The following SLC5A3 variants were observed in gnomAD, a reference collection of about 807,000 sequenced individuals.
The protein encoded by SLC5A3 is sodium/myo-inositol cotransporter.
Under a neutral mutation model 43.2 loss-of-function variants are expected in SLC5A3, and 10 were observed. The ratio of observed to expected loss-of-function variants is 0.23; its 90% CI spans 0.14 to 0.39. The LOEUF is 0.39. SLC5A3 is among the 10% of genes least tolerant of loss of function. SLC5A3 has a pLI of 1.00. For synonymous variants in SLC5A3, 349 were observed against 322.0 expected, an observed-to-expected ratio of 1.08 and a Z score of -0.90; for missense variants, 608 against 893.4, an observed-to-expected ratio of 0.68 and a Z score of 4.07.
Position 34,104,215 on chromosome 21 carries a change from T to C in SLC5A3, c.*6860T>C. 1 of 1,000,138 alleles carries C rather than the reference T, an allele frequency of 1.0e-6. No homozygotes were observed. Among genetic ancestry groups the C allele is most frequent in the African/African-American group, 1.7e-5 (1 of 57,356 alleles). 62.0% of individuals were successfully genotyped at this position (1,000,138 alleles called of 1,614,324 possible). A position where few individuals can be genotyped will look rare whatever the true frequency, so the allele number is the denominator to read the frequency against. ...CATCAGACTAATTCTGAAGCATATT[T>C]GCTAGAGGAGCTACTTTGCTTTTCA... On this transcript the variant is annotated 3_prime_UTR_variant, in exon 2 of 2. Coordinates refer to ENST00000381151, the MANE Select transcript of SLC5A3 (RefSeq NM_006933.7).
chr21:34,074,532 G>A (rs1359874516), intron 1 of SLC5A3, among the ~76,000 whole-genome samples: 2 of 152,204 alleles, frequency 1.3e-5, no homozygotes, highest in Non-Finnish European at 2.9e-5. Context: ...CCTTTCAGGT[G>A]ACGGCGTGGC....
rs547850028 is a variant in SLC5A3, at chr21:34,081,842, A to G, written c.-337+8097A>G. ...TAATGAAGAAACTCTAAAAGATAAA[A>G]CTTATTATATCTAAGTTTATTTCAT... On this transcript the variant is annotated intron_variant, in intron 1 of 1. Transcript: ENST00000381151. Among the ~76,000 whole-genome samples, 10 of 152,276 alleles carry G rather than the reference A, an allele frequency of 6.6e-5. No homozygotes were observed. In the East Asian group the frequency reaches 1.2e-3, roughly 18 times the overall value.
At position 34,098,928 on chromosome 21, in the gene SLC5A3, A is replaced by G. The variant is rs1044090730; in HGVS notation, c.*1573A>G. 3 of 988,922 alleles carry G rather than the reference A, an allele frequency of 3.0e-6. No homozygotes were observed. Among genetic ancestry groups the G allele is most frequent in the Non-Finnish European group, 1.2e-6 (1 of 819,698 alleles). The allele number at this position is 988,922 out of a possible 1,614,324, so 61.3% of individuals were successfully genotyped here. ...GATACTTTTTAGATTGCATGATTTTACTAGGCTTGTATTTAGGGAAATTAC... is the reference window on the plus strand; with the variant it reads ...GATACTTTTTAGATTGCATGATTTTGCTAGGCTTGTATTTAGGGAAATTAC... On this transcript the variant is annotated 3_prime_UTR_variant, in exon 2 of 2. Coordinates refer to ENST00000381151, the MANE Select transcript of SLC5A3 (RefSeq NM_006933.7).
In SLC5A3 at chr21:34,096,461, C is replaced by A. The variant is rs762123888; in HGVS notation, c.1263C>A (p.Ile421=). The change falls in exon 2 of 2, where the codon ATC becomes ATA. Residue 421 remains isoleucine, a synonymous_variant. Transcript: ENST00000381151. The surrounding 1 kb of genome is among the most constrained non-coding windows in gnomAD (Gnocchi z 5.9). The part of the protein sequence containing the change: ...GRIFVAFMVV[I]SIAWVPIIVE... ...TATTTGTGGCATTTATGGTGGTGAT[C>A]AGCATAGCATGGGTGCCAATCATCG... is the stretch of plus-strand genomic sequence containing the variant. The A allele has an allele frequency of 6.2e-7, 1 of 1,614,162 alleles. No individual in the cohort carries two copies. Among genetic ancestry groups the A allele is most frequent in the Non-Finnish European group, 8.5e-7 (1 of 1,180,016 alleles).
intron 1 of SLC5A3, among the ~76,000 whole-genome samples, chr21:34,081,715 C>G (rs530750774): frequency 1.3e-5 from 2 of 152,208 alleles, no homozygotes; most frequent in African/African-American, 4.8e-5. Context: ...GTTATGTGAC[C>G]TTGGAGGTAG....
intron 1 of SLC5A3, among the ~76,000 whole-genome samples, chr21:34,091,141 C>CA (rs916856985): frequency 3.3e-5 from 5 of 152,182 alleles, no homozygotes; most frequent in African/African-American, 1.2e-4. Flanking sequence ...TTACCATTGA[C>CA]AGAGTGCTGG....
At position 34,104,366 on chromosome 21, in the gene SLC5A3, C is replaced by T. The variant is rs567070814; in HGVS notation, c.*7011C>T. 1 of 1,000,114 alleles carries T rather than the reference C, an allele frequency of 1.0e-6. No individual in the cohort carries two copies. Among genetic ancestry groups the T allele is most frequent in the Admixed American group, 6.1e-5 (1 of 16,268 alleles). The allele number at this position is 1,000,114 out of a possible 1,614,324, so 62.0% of individuals were successfully genotyped here. A position where few individuals can be genotyped will look rare whatever the true frequency, so the allele number is the denominator to read the frequency against. ...TTCTACTCAGCATTGCCCTTTTCCA[C>T]CTCCTCACTTCACCTCCGAGTAGCT... On this transcript the variant is annotated 3_prime_UTR_variant, in exon 2 of 2. Transcript: ENST00000381151.
Position 34,104,501 on chromosome 21 carries a change from A to C in SLC5A3, c.*7146A>C. The C allele has an allele frequency of 1.0e-6, 1 of 995,718 alleles. No individual in the cohort carries two copies. The highest frequency in any genetic ancestry group is 1.2e-6 in the Non-Finnish European group (1 of 828,548). 61.7% of individuals were successfully genotyped at this position (995,718 alleles called of 1,614,324 possible). A position where few individuals can be genotyped will look rare whatever the true frequency, so the allele number is the denominator to read the frequency against. ...ACTACCTTTGTTCCTACTCTTTTATATAATTATCCTTTTAGGGAAAGACTT... is the reference window on the plus strand; with the variant it reads ...ACTACCTTTGTTCCTACTCTTTTATCTAATTATCCTTTTAGGGAAAGACTT... On this transcript the variant is annotated 3_prime_UTR_variant, in exon 2 of 2. Transcript: ENST00000381151.
In SLC5A3 at chr21:34,105,711, A is replaced by G. The variant is rs923120595; in HGVS notation, c.*8356A>G. The G allele has an allele frequency of 1.0e-6, 1 of 998,352 alleles. No homozygotes were observed. Among genetic ancestry groups the G allele is most frequent in the African/African-American group, 1.7e-5 (1 of 57,188 alleles). 61.8% of individuals were successfully genotyped at this position (998,352 alleles called of 1,614,324 possible). A position where few individuals can be genotyped will look rare whatever the true frequency, so the allele number is the denominator to read the frequency against. On this transcript the variant is annotated 3_prime_UTR_variant, in exon 2 of 2. Coordinates refer to ENST00000381151, the MANE Select transcript of SLC5A3 (RefSeq NM_006933.7). ...TATTAGTGAGTTTTTTGAATTGTAA[A>G]TGGATTTCCAGTTTACCTTCTGTTG...
chr21:34,097,576 C>T lies in SLC5A3; in HGVS notation c.*221C>T. Reference sequence around the variant, plus strand: ...GCCAAACCTAACAGACTGAATTGTGCAAATGTGGTTTTAAATTTTGCATAC... The same window carrying T: ...GCCAAACCTAACAGACTGAATTGTGTAAATGTGGTTTTAAATTTTGCATAC... On this transcript the variant is annotated 3_prime_UTR_variant, in exon 2 of 2. Transcript: ENST00000381151. The T allele has an allele frequency of 1.5e-6, 2 of 1,297,406 alleles. No individual in the cohort carries two copies. Among genetic ancestry groups the T allele is most frequent in the African/African-American group, 1.5e-5 (1 of 65,688 alleles). The allele number at this position is 1,297,406 out of a possible 1,614,324, so 80.4% of individuals were successfully genotyped here. A position where few individuals can be genotyped will look rare whatever the true frequency, so the allele number is the denominator to read the frequency against.
At chr21:34,074,107 C>G (rs1406594344) in intron 1 of SLC5A3, among the ~76,000 whole-genome samples, 3 of 148,272 alleles carry the variant, frequency 2.0e-5, no homozygotes, top group Admixed American at 2.0e-4. Context: ...GCGCGGGCGC[C>G]CAGCCCGACT....
Position 34,098,262 on chromosome 21 carries a change from G to T in SLC5A3, c.*907G>T. On this transcript the variant is annotated 3_prime_UTR_variant, in exon 2 of 2. Coordinates refer to ENST00000381151, the MANE Select transcript of SLC5A3 (RefSeq NM_006933.7). ...CTGCTAATTTTCTAGCTTTATTCTTGTTATTTGGAAAAATTATTAGCCAAA... is the reference window on the plus strand; with the variant it reads ...CTGCTAATTTTCTAGCTTTATTCTTTTTATTTGGAAAAATTATTAGCCAAA... 1 of 999,894 alleles carries T rather than the reference G, an allele frequency of 1.0e-6. No homozygotes were observed. Among genetic ancestry groups the T allele is most frequent in the South Asian group, 4.7e-5 (1 of 21,272 alleles). 61.9% of individuals were successfully genotyped at this position (999,894 alleles called of 1,614,324 possible).
intron 1 of SLC5A3, among the ~76,000 whole-genome samples, chr21:34,076,152 G>C (rs973339228): frequency 6.6e-6 from 1 of 152,218 alleles, no homozygotes; most frequent in Non-Finnish European, 1.5e-5. Context: ...GGATATGGAA[G>C]TTAAGAAACT....
chr21:34,091,906 A>G (rs1049016194), intron 1 of SLC5A3, among the ~76,000 whole-genome samples: 2 of 132,138 alleles, frequency 1.5e-5, no homozygotes, highest in Non-Finnish European at 3.2e-5. Context: ...CATGCTTTTC[A>G]TAACTATACC....
chr21:34,087,474 A>G (rs1978452781), intron 1 of SLC5A3, among the ~76,000 whole-genome samples: 1 of 152,190 alleles, frequency 6.6e-6, no homozygotes, highest in Admixed American at 6.5e-5. Flanking sequence ...AGAAAATTCT[A>G]CCCTCATGGA....
intron 1 of SLC5A3, among the ~76,000 whole-genome samples, chr21:34,081,721 G>A (rs1240351076): frequency 6.6e-6 from 1 of 152,162 alleles, no homozygotes. Context: ...TGACCTTGGA[G>A]GTAGTTAAGT....
In SLC5A3 at chr21:34,101,087, C is replaced by T. The variant is rs1305698752; in HGVS notation, c.*3732C>T. ...ATACAAGACCTTTCCTGTTAAATTA[C>T]GTGACTACAGAGACTTGCCAGGACA... On this transcript the variant is annotated 3_prime_UTR_variant, in exon 2 of 2. Transcript: ENST00000381151. The T allele has an allele frequency of 4.0e-6, 4 of 999,966 alleles. No homozygotes were observed. Among genetic ancestry groups the T allele is most frequent in the Non-Finnish European group, 4.8e-6 (4 of 829,854 alleles). 61.9% of individuals were successfully genotyped at this position (999,966 alleles called of 1,614,324 possible). A position where few individuals can be genotyped will look rare whatever the true frequency, so the allele number is the denominator to read the frequency against.
chr21:34,098,201 A>G lies in SLC5A3; in HGVS notation c.*846A>G, dbSNP rs1979061101. On this transcript the variant is annotated 3_prime_UTR_variant, in exon 2 of 2. Coordinates refer to ENST00000381151, the MANE Select transcript of SLC5A3 (RefSeq NM_006933.7). ...TGACCAGCCCCCTAAGCAGTGTTTGATTAACTTATGCTAATCAGATGATTA... is the reference window on the plus strand; with the variant it reads ...TGACCAGCCCCCTAAGCAGTGTTTGGTTAACTTATGCTAATCAGATGATTA... The G allele has an allele frequency of 1.0e-6, 1 of 999,626 alleles. No homozygotes were observed. Among genetic ancestry groups the G allele is most frequent in the African/African-American group, 1.7e-5 (1 of 57,222 alleles). 61.9% of individuals were successfully genotyped at this position (999,626 alleles called of 1,614,324 possible). A position where few individuals can be genotyped will look rare whatever the true frequency, so the allele number is the denominator to read the frequency against.
chr21:34,106,200 G>A lies in SLC5A3; in HGVS notation c.*8845G>A, dbSNP rs550077326. 2 of 976,548 alleles carry A rather than the reference G, an allele frequency of 2.0e-6. No homozygotes were observed. Among genetic ancestry groups the A allele is most frequent in the South Asian group, 9.6e-5 (2 of 20,820 alleles). The allele number at this position is 976,548 out of a possible 1,614,324, so 60.5% of individuals were successfully genotyped here. ...TATTTTGTCCTGTAACTGAAGTATA[G>A]TAATTATTTTATGGAAATGTTAGCA... is the stretch of plus-strand genomic sequence containing the variant. On this transcript the variant is annotated 3_prime_UTR_variant, in exon 2 of 2. Transcript: ENST00000381151.
Sources: allele counts gnomAD v4.1 joint callset (sites outside exome capture counted in the v4.1 genomes callset), GRCh38; gene constraint gnomAD v4.1.1; non-coding constraint Gnocchi (gnomAD v3.1); transcripts MANE v1.5; gene names NCBI Gene and HGNC (gene_info 2026-07-23, HGNC 2026-07-21).